Variants in GALNT13 observed in about 807,000 individuals in gnomAD.
The protein encoded by GALNT13 is UDP-GalNAc:polypeptide N-acetylgalactosaminyltransferase 13.
Under a neutral mutation model 64.2 loss-of-function variants are expected in GALNT13, and 28 were observed. That is an observed-to-expected ratio of 0.44 (90% CI 0.32 to 0.60). GALNT13 has a LOEUF of 0.60. Ranked by LOEUF, GALNT13 falls within the 20% of genes least tolerant of loss-of-function variation. The probability of loss-of-function intolerance (pLI) is 0.05; values close to 1 mark genes in which losing one functional copy is unlikely to be tolerated. For synonymous variants in GALNT13, 214 were observed against 224.6 expected (o/e 0.95, Z 0.42); for missense variants, 577 against 669.8 (o/e 0.86, Z 1.53).
the GALNT13 span, among the ~76,000 whole-genome samples, chr2:153,198,341 A>G: frequency 6.6e-6 from 1 of 152,158 alleles, no homozygotes; most frequent in Non-Finnish European, 1.5e-5. Flanking sequence ...GACTAGAATT[A>G]CAGGAGTCTG....
At chr2:153,774,458 A>G in the GALNT13 span, among the ~76,000 whole-genome samples, 1 of 152,220 alleles carries the variant, frequency 6.6e-6, no homozygotes, top group Admixed American at 6.5e-5. Context: ...ATATAAAGAC[A>G]GAATGCAGAC....
the GALNT13 span, among the ~76,000 whole-genome samples, chr2:153,523,668 T>A: frequency 3.3e-5 from 5 of 152,240 alleles, no homozygotes; most frequent in Non-Finnish European, 5.9e-5. Context: ...ACCTTGTATC[T>A]GGCAATCATG....
the GALNT13 span, among the ~76,000 whole-genome samples, chr2:153,615,941 GATTCCATT>G: frequency 6.6e-6 from 1 of 151,958 alleles, no homozygotes; most frequent in Admixed American, 6.6e-5. Context: ...AACTTGATGT[GATTCCATT>G]TGTCCATTTT....
the GALNT13 span, among the ~76,000 whole-genome samples, chr2:153,406,615 C>A: frequency 6.6e-6 from 1 of 152,086 alleles, no homozygotes; most frequent in Non-Finnish European, 1.5e-5. Flanking sequence ...GCCATGTTGG[C>A]CAGACTGGTC....
chr2:153,140,446 T>C, the GALNT13 span, among the ~76,000 whole-genome samples: 1 of 151,994 alleles, frequency 6.6e-6, no homozygotes, highest in Admixed American at 6.6e-5. Flanking sequence ...TGTATTTTCA[T>C]AAAAGGTGAA....
chr2:153,379,398 A>AGTT, the GALNT13 span, among the ~76,000 whole-genome samples: 1 of 152,154 alleles, frequency 6.6e-6, no homozygotes, highest in Non-Finnish European at 1.5e-5. Flanking sequence ...AGAACCTGCC[A>AGTT]GTTGATTTAA....
the GALNT13 span, among the ~76,000 whole-genome samples, chr2:153,258,312 T>C: frequency 6.6e-6 from 1 of 152,084 alleles, no homozygotes; most frequent in Non-Finnish European, 1.5e-5. Context: ...CCTTAAAAAC[T>C]GTGATCCACA....
chr2:153,837,077 C>G, the GALNT13 span, among the ~76,000 whole-genome samples: 1 of 148,548 alleles, frequency 6.7e-6, no homozygotes, highest in African/African-American at 2.5e-5. Context: ...CCTGGGGAAT[C>G]GCCACACTGA....
Position 154,287,057 on chromosome 2 carries a change from G to A in GALNT13, c.976-14352G>A, listed in dbSNP as rs1559068754. ...AGGCAGGTGAGTGATGACCTTACAGGTCATCTTTGGGCTCATCCACCCACC... is the reference window on the plus strand; with the variant it reads ...AGGCAGGTGAGTGATGACCTTACAGATCATCTTTGGGCTCATCCACCCACC... On this transcript the variant is annotated intron_variant, in intron 8 of 12. Coordinates refer to ENST00000392825, the MANE Select transcript of GALNT13 (RefSeq NM_052917.4). 3 of 704,986 alleles carry A rather than the reference G, an allele frequency of 4.3e-6. No homozygotes were observed. In the African/African-American group the frequency reaches 5.2e-5, roughly 12 times the overall value. The allele number at this position is 704,986 out of a possible 1,614,324, so 43.7% of individuals were successfully genotyped here. A position where few individuals can be genotyped will look rare whatever the true frequency, so the allele number is the denominator to read the frequency against.
the GALNT13 span, among the ~76,000 whole-genome samples, chr2:153,735,552 A>G: frequency 6.6e-6 from 1 of 152,306 alleles, no homozygotes; most frequent in Non-Finnish European, 1.5e-5. Context: ...GATGACCACC[A>G]TAATTCCACA....
At chr2:154,415,110 G>C (rs755034484) in intron 11 of GALNT13, among the ~76,000 whole-genome samples, 1 of 150,130 alleles carries the variant, frequency 6.7e-6, no homozygotes, top group African/African-American at 2.4e-5. Flanking sequence ...GTCCAGCCTG[G>C]GAAATGTAGC....
intron 9 of GALNT13, among the ~76,000 whole-genome samples, chr2:154,394,129 T>A (rs1454114158): frequency 7.0e-6 from 1 of 143,294 alleles, no homozygotes; most frequent in Non-Finnish European, 1.5e-5. Context: ...ACTTTAAATT[T>A]TCATTTCAAT....
At chr2:153,849,810 G>C in the GALNT13 span, among the ~76,000 whole-genome samples, 1 of 152,042 alleles carries the variant, frequency 6.6e-6, no homozygotes, top group Non-Finnish European at 1.5e-5. Context: ...TAAGTATTCA[G>C]GTGAGTTACG....
At chr2:153,724,971 A>T in the GALNT13 span, among the ~76,000 whole-genome samples, 1 of 151,668 alleles carries the variant, frequency 6.6e-6, no homozygotes, top group East Asian at 1.9e-4. Flanking sequence ...TACCCAAATG[A>T]CTATAAATCA....
chr2:154,395,445 C>T (rs1699012160), intron 9 of GALNT13, among the ~76,000 whole-genome samples: 1 of 151,844 alleles, frequency 6.6e-6, no homozygotes, highest in Admixed American at 6.6e-5. Context: ...TTTTCAAGGA[C>T]AATGGTAGCT....
the GALNT13 span, among the ~76,000 whole-genome samples, chr2:153,255,659 C>G: frequency 2.6e-5 from 4 of 152,056 alleles, no homozygotes; most frequent in Non-Finnish European, 4.4e-5. Context: ...TAGGGCAGGC[C>G]TGGTGGTGAC....
the GALNT13 span, among the ~76,000 whole-genome samples, chr2:153,555,234 A>G: frequency 0.21 from 18,931 of 90,252 alleles, 2,575 homozygotes; most frequent in Admixed American, 0.33. Flanking sequence ...TTGCTCTGTC[A>G]CCCAGGCTGG....
intron 3 of GALNT13, among the ~76,000 whole-genome samples, chr2:154,036,263 G>C (rs1201583992): frequency 6.6e-6 from 1 of 152,046 alleles, no homozygotes; most frequent in Non-Finnish European, 1.5e-5. Context: ...AAATGTATCT[G>C]TTCTGAAAAT....
the GALNT13 span, among the ~76,000 whole-genome samples, chr2:153,448,876 G>A: frequency 1.3e-5 from 2 of 151,952 alleles, no homozygotes; most frequent in Non-Finnish European, 2.9e-5. Flanking sequence ...TTGGAGATGG[G>A]ACCTCCTAGG....
Sources: allele counts gnomAD v4.1 joint callset (sites outside exome capture counted in the v4.1 genomes callset), GRCh38; gene constraint gnomAD v4.1.1; transcripts MANE v1.5; gene names NCBI Gene and HGNC (gene_info 2026-07-23, HGNC 2026-07-21).